RB1: variants seen among roughly 807,000 people sequenced by gnomAD.
RB1 encodes retinoblastoma-associated protein.
RB1 carries 18 observed loss-of-function variants against 135.4 expected under a neutral mutation model. That is an observed-to-expected ratio of 0.13 (90% CI 0.09 to 0.20). The LOEUF (loss-of-function observed/expected upper bound fraction) is 0.20. RB1 is among the 10% of genes least tolerant of loss of function. The pLI, the probability that RB1 is intolerant of heterozygous loss-of-function variation, is 1.00. For missense variants in RB1, 868 were observed against 1,110.0 expected (o/e 0.78, Z 3.10); for synonymous variants, 365 against 373.2 (o/e 0.98, Z 0.25).
rs370088029 is a variant in RB1 at position 48,465,342 on chromosome 13, A to G, written c.2463A>G (p.Thr821=). ...ATAAAATTTCAGAAGGTCTGCCAACACCAACAAAAATGACTCCAAGATCAA... is the reference window on the plus strand; with the variant it reads ...ATAAAATTTCAGAAGGTCTGCCAACGCCAACAAAAATGACTCCAAGATCAA... ...SPYKISEGLP[T]PTKMTPRSRI... Residue 821 remains threonine (T), a synonymous_variant, in exon 23 of 27, where the codon ACA becomes ACG. Coordinates refer to ENST00000267163, the MANE Select transcript of RB1 (RefSeq NM_000321.3). 7.5e-5 allele frequency: 120 copies of G among 1,608,060 alleles called. No homozygotes were observed. The highest frequency in any genetic ancestry group is 8.4e-5 in the Non-Finnish European group (99 of 1,174,546).
At chr13:48,333,161 A>G (rs1429036882) in intron 2 of RB1, 1 of 397,230 alleles carries the variant, frequency 2.5e-6, no homozygotes, top group South Asian at 1.3e-4. Context: ...CCTTAAATAT[A>G]AACTTTTTCG....
At chr13:48,356,696 A>G (rs1301907543) in intron 6 of RB1, among the ~76,000 whole-genome samples, 1 of 152,012 alleles carries the variant, frequency 6.6e-6, no homozygotes, top group South Asian at 2.1e-4. Context: ...TCAGTTCTGT[A>G]TTTAAATGGA....
chr13:48,465,251 A>G lies in RB1; in HGVS notation c.2372A>G (p.Lys791Arg), dbSNP rs777670056. Residue 791 changes from lysine (K) to arginine (R), a missense_variant, in exon 23 of 27, where the codon AAG becomes AGG. Physicochemically the swap from Lys to Arg is conservative, Grantham distance 26 (BLOSUM62 2). Around this residue, in one of 3 missense-constraint regions of RB1, gnomAD observed 196 missense variants for 239.8 expected, o/e 0.82. Transcript: ENST00000267163. ...CCTCACATTCCTCGAAGCCCTTACAAGTTTCCTAGTTCACCCTTACGGATT... is the reference window on the plus strand; with the variant it reads ...CCTCACATTCCTCGAAGCCCTTACAGGTTTCCTAGTTCACCCTTACGGATT... ...PIPHIPRSPY[K>R]FPSSPLRIPG... 1.9e-6 allele frequency: 3 copies of G among 1,613,876 alleles called. No individual in the cohort carries two copies. The highest frequency in any genetic ancestry group is 2.5e-6 in the Non-Finnish European group (3 of 1,179,816).
intron 17 of RB1, among the ~76,000 whole-genome samples, chr13:48,418,733 G>T (rs1161616731): frequency 6.6e-6 from 1 of 150,950 alleles, no homozygotes; most frequent in Non-Finnish European, 1.5e-5. Context: ...AGCAGGGGTT[G>T]CAATCCTAGT....
chr13:48,389,600 A>T (rs912349594), intron 17 of RB1: 3 of 152,148 alleles, frequency 2.0e-5, no homozygotes, highest in African/African-American at 7.2e-5. Context: ...TATTTTGCTT[A>T]TGATTTTTTG....
intron 6 of RB1, among the ~76,000 whole-genome samples, chr13:48,358,442 G>A (rs960903719): frequency 1.3e-5 from 2 of 152,096 alleles, no homozygotes; most frequent in Admixed American, 6.6e-5. Flanking sequence ...TGGTATGGGA[G>A]CAGGCATTTT....
At chr13:48,377,950 A>G (rs769622739) in intron 13 of RB1, among the ~76,000 whole-genome samples, 2 of 152,204 alleles carry the variant, frequency 1.3e-5, no homozygotes, top group African/African-American at 2.4e-5. Context: ...ATATCCAAAC[A>G]TAGAAAAGGT....
rs553094345 is a variant in RB1, at chr13:48,464,958, C to CTTT, written c.2212-18_2212-16dup. 4,307 of 827,396 alleles carry CTTT rather than the reference C, an allele frequency of 5.2e-3. 17 individuals are homozygous for CTTT. Among genetic ancestry groups the CTTT allele is most frequent in the Middle Eastern group, 7.2e-3 (14 of 1,958 alleles). 51.3% of individuals were successfully genotyped at this position (827,396 alleles called of 1,614,324 possible). Reference sequence around the variant, plus strand: ...AAATTCATTTAACAAGTAAATTTTACTTTTTTTTTTTTTTTTTTTTTTTTA... The same window carrying CTTT: ...AAATTCATTTAACAAGTAAATTTTACTTTTTTTTTTTTTTTTTTTTTTTTTTTA... On this transcript the variant is annotated intron_variant, in intron 21 of 26. Coordinates refer to ENST00000267163, the MANE Select transcript of RB1 (RefSeq NM_000321.3).
At chr13:48,392,777 G>A (rs564303582) in intron 17 of RB1, among the ~76,000 whole-genome samples, 1 of 151,356 alleles carries the variant, frequency 6.6e-6, no homozygotes, top group South Asian at 2.1e-4. Context: ...TTTTTTTTAA[G>A]AGTCGTATGT....
In RB1 at chr13:48,380,287, T is replaced by TAAA. The variant is rs1948524093; in HGVS notation, c.1498+48_1498+50dup. 6 of 1,384,136 alleles carry TAAA rather than the reference T, an allele frequency of 4.3e-6. No individual in the cohort carries two copies. In the South Asian group the frequency reaches 7.2e-5, roughly 17 times the overall value. The allele number at this position is 1,384,136 out of a possible 1,614,324, so 85.7% of individuals were successfully genotyped here. A position where few individuals can be genotyped will look rare whatever the true frequency, so the allele number is the denominator to read the frequency against. On this transcript the variant is annotated intron_variant, in intron 16 of 26. Transcript: ENST00000267163. ...TAAACACTTTTGTTCAATTTAAAGT[T>TAAA]AAAATGTGGTGTGTTTCTTTGGTCG...
Position 48,480,467 on chromosome 13 carries a change from A to T in RB1, c.*396A>T, listed in dbSNP as rs1949532016. Reference sequence around the variant, plus strand: ...TTTGCTCTTGTTTTTATTAATTTATATGTATATTTTTTTAATTTAACATGA... The same window carrying T: ...TTTGCTCTTGTTTTTATTAATTTATTTGTATATTTTTTTAATTTAACATGA... On this transcript the variant is annotated 3_prime_UTR_variant, in exon 27 of 27. Coordinates refer to ENST00000267163, the MANE Select transcript of RB1 (RefSeq NM_000321.3). 4.2e-6 allele frequency: 1 copy of T among 238,182 alleles called. No individual in the cohort carries two copies. The highest frequency in any genetic ancestry group is 2.2e-5 in the African/African-American group (1 of 45,374). 14.8% of individuals were successfully genotyped at this position (238,182 alleles called of 1,614,324 possible). A position where few individuals can be genotyped will look rare whatever the true frequency, so the allele number is the denominator to read the frequency against.
intron 16 of RB1, among the ~76,000 whole-genome samples, 200 bp from the exon 17 acceptor site, chr13:48,381,047 G>C (rs1948530878): frequency 6.6e-6 from 1 of 152,026 alleles, no homozygotes; most frequent in Non-Finnish European, 1.5e-5. Context: ...CCTTTCTCTA[G>C]GAAAAACACA....
chr13:48,428,506 AC>A (rs1410509234), intron 17 of RB1, among the ~76,000 whole-genome samples: 1 of 152,242 alleles, frequency 6.6e-6, no homozygotes, highest in East Asian at 1.9e-4. Context: ...GAAGGGACAA[AC>A]ATTGAAACCA....
At chr13:48,358,898 G>A (rs1189641122) in intron 6 of RB1, among the ~76,000 whole-genome samples, 1 of 151,956 alleles carries the variant, frequency 6.6e-6, no homozygotes, top group Non-Finnish European at 1.5e-5. Flanking sequence ...CCTTGATATC[G>A]TTCTTTACCA....
chr13:48,375,923 A>T (rs1362379097), intron 12 of RB1, among the ~76,000 whole-genome samples: 5 of 151,986 alleles, frequency 3.3e-5, no homozygotes, highest in African/African-American at 4.8e-5. Flanking sequence ...TATATATTGA[A>T]TGTGTTTTAT....
rs576147971 is a variant in RB1, at chr13:48,362,916, A to G, written c.820A>G (p.Ile274Val). 1.9e-6 allele frequency: 3 copies of G among 1,613,894 alleles called. No individual in the cohort carries two copies. Among genetic ancestry groups the G allele is most frequent in the Non-Finnish European group, 2.5e-6 (3 of 1,179,858 alleles). The change falls in exon 8 of 27, where the codon ATT (isoleucine) becomes GTT (valine). Residue 274 changes from isoleucine (I) to valine (V), a missense_variant. Physicochemically the swap from Ile to Val is conservative, Grantham distance 29 (BLOSUM62 3). Around this residue, in one of 3 missense-constraint regions of RB1, gnomAD observed 641 missense variants for 791.3 expected, o/e 0.81. Transcript: ENST00000267163. ...AKQLENDTRIIEVLCKEHECN... is the reference protein window; with the variant it reads ...AKQLENDTRIVEVLCKEHECN... The stretch of plus-strand genomic sequence containing the variant: ...ACAACTAGAAAATGATACAAGAATT[A>G]TTGAAGTTCTCTGTAAAGAACATGA...
intron 17 of RB1, chr13:48,412,008 C>G: frequency 6.2e-7 from 1 of 1,611,546 alleles, no homozygotes; most frequent in Non-Finnish European, 8.5e-7. Context: ...TAACCACACG[C>G]CAGTGCAAAC....
At chr13:48,349,175 C>A in intron 6 of RB1, 152 bp downstream of exon 6, 1 of 742,230 alleles carries the variant, frequency 1.3e-6, no homozygotes, top group Non-Finnish European at 1.9e-6. Flanking sequence ...TCCTATAATT[C>A]TGGTACTAGA....
chr13:48,384,239 C>G (rs1031076615), intron 17 of RB1, among the ~76,000 whole-genome samples: 1 of 152,008 alleles, frequency 6.6e-6, no homozygotes, highest in Non-Finnish European at 1.5e-5. Context: ...GCAGATGAAA[C>G]TATAGAGGAC....
Sources: gnomAD v4.1 joint callset for allele counts (sites outside exome capture counted in the v4.1 genomes callset) on GRCh38, gnomAD v4.1.1 for gene constraint, gnomAD v4.1.1 regional missense constraint, MANE v1.5 for transcripts, NCBI Gene and HGNC (gene_info 2026-07-23, HGNC 2026-07-21) for gene names.